Variants in COBL observed in about 807,000 individuals in gnomAD.
The protein encoded by COBL is cordon-bleu WH2 repeat protein.
COBL carries 51 observed loss-of-function variants against 98.8 expected under a neutral mutation model. That is an observed-to-expected ratio of 0.52 (90% CI 0.41 to 0.65). The LOEUF (loss-of-function observed/expected upper bound fraction) is 0.65. Ranked by LOEUF, COBL falls within the 30% of genes least tolerant of loss-of-function variation. The pLI is 0.00. For missense variants in COBL, 1,617 were observed against 1,617.5 expected, an observed-to-expected ratio of 1.00 and a Z score of 0.01; for synonymous variants, 634 against 651.7, an observed-to-expected ratio of 0.97 and a Z score of 0.41.
chr7:51,158,662 G>A (rs1208195985), intron 5 of COBL, among the ~76,000 whole-genome samples: 1 of 152,066 alleles, frequency 6.6e-6, no homozygotes, highest in Admixed American at 6.5e-5. Flanking sequence ...GGGAGGCTGG[G>A]AAAGTGTCCG....
chr7:51,048,274 A>G (rs781385456), intron 7 of COBL, among the ~76,000 whole-genome samples: 5 of 152,298 alleles, frequency 3.3e-5, no homozygotes, highest in Middle Eastern at 3.4e-3. Flanking sequence ...GAAAATTTCC[A>G]TCATGAGTTC....
At chr7:51,303,694 CA>C (rs545767720) in intron 1 of COBL, among the ~76,000 whole-genome samples, 6 of 152,178 alleles carry the variant, frequency 3.9e-5, no homozygotes, top group Non-Finnish European at 8.8e-5. Flanking sequence ...AGACATGTAT[CA>C]AAATTCAGCT....
chr7:51,265,843 C>A (rs1468646294), intron 1 of COBL, among the ~76,000 whole-genome samples: 1 of 152,190 alleles, frequency 6.6e-6, no homozygotes. Context: ...AATGTACATC[C>A]ACTCACATTC....
chr7:51,231,472 C>T (rs1238831831), intron 1 of COBL, among the ~76,000 whole-genome samples: 1 of 152,222 alleles, frequency 6.6e-6, no homozygotes, highest in African/African-American at 2.4e-5. Flanking sequence ...TCAAGGGCCA[C>T]AGACATGGAG....
intron 1 of COBL, among the ~76,000 whole-genome samples, chr7:51,232,265 G>A (rs1258691853): frequency 1.3e-5 from 2 of 152,036 alleles, no homozygotes; most frequent in East Asian, 3.9e-4. Context: ...CCCCAAAAAA[G>A]GAAGAAGAAA....
intron 3 of COBL, among the ~76,000 whole-genome samples, chr7:51,192,059 G>A (rs1435008847): frequency 6.6e-6 from 1 of 152,168 alleles, no homozygotes; most frequent in Non-Finnish European, 1.5e-5. Flanking sequence ...AGGAAGTCAA[G>A]GGAAGACGCA....
intron 1 of COBL, among the ~76,000 whole-genome samples, chr7:51,269,423 G>T (rs1031923070): frequency 6.6e-6 from 1 of 152,204 alleles, no homozygotes; most frequent in East Asian, 1.9e-4. Flanking sequence ...CGTGCTGCTG[G>T]TAAGTGGCAC....
intron 1 of COBL, among the ~76,000 whole-genome samples, chr7:51,281,006 T>C (rs762453708): frequency 2.0e-4 from 30 of 152,246 alleles, no homozygotes; most frequent in East Asian, 1.2e-3. Flanking sequence ...TAGGAAATAA[T>C]AGAGGTTTAC....
intron 7 of COBL, among the ~76,000 whole-genome samples, chr7:51,049,851 C>A (rs1182762597): frequency 6.6e-6 from 1 of 152,162 alleles, no homozygotes; most frequent in Non-Finnish European, 1.5e-5. Context: ...TAGGATTCGC[C>A]TTTGAGAGAC....
chr7:51,217,896 G>A (rs945356876), intron 2 of COBL, among the ~76,000 whole-genome samples: 1 of 152,202 alleles, frequency 6.6e-6, no homozygotes, highest in African/African-American at 2.4e-5. Flanking sequence ...ACCCTGGGGG[G>A]AAAGCCTATC....
At chr7:51,194,680 T>C (rs908438609) in intron 2 of COBL, among the ~76,000 whole-genome samples, 1 of 152,228 alleles carries the variant, frequency 6.6e-6, no homozygotes, top group African/African-American at 2.4e-5. Context: ...TGGTATCTCA[T>C]TGCGGTTTTG....
intron 5 of COBL, chr7:51,156,127 T>C (rs973253591): frequency 2.0e-6 from 2 of 977,852 alleles, no homozygotes; most frequent in East Asian, 2.3e-4. Flanking sequence ...AAAACAAATA[T>C]CAAAGACAGT....
At chr7:51,182,993 G>A (rs1259993391) in intron 5 of COBL, among the ~76,000 whole-genome samples, 4 of 151,092 alleles carry the variant, frequency 2.6e-5, no homozygotes, top group Non-Finnish European at 4.4e-5. Context: ...CTACAGGGAC[G>A]TGCTGGCTCT....
At chr7:51,200,676 A>G (rs2129064722) in intron 2 of COBL, among the ~76,000 whole-genome samples, 1 of 152,336 alleles carries the variant, frequency 6.6e-6, no homozygotes, top group African/African-American at 2.4e-5. Flanking sequence ...GTACACTGCT[A>G]CGATAATCAA....
At chr7:51,243,573 A>C (rs11238435) in intron 1 of COBL, among the ~76,000 whole-genome samples, 34,187 of 152,032 alleles carry the variant, frequency 0.22, 4,532 homozygotes, top group East Asian at 0.6. Context: ...GCTAGCCCTC[A>C]GCAGGAAAAA....
At chr7:51,058,799 G>A (rs539046854) in intron 7 of COBL, among the ~76,000 whole-genome samples, 4 of 152,352 alleles carry the variant, frequency 2.6e-5, no homozygotes, top group South Asian at 2.1e-4. Flanking sequence ...CTGTTAGAGC[G>A]AGTCTGATTG....
chr7:51,180,371 T>C (rs913740114), intron 5 of COBL, among the ~76,000 whole-genome samples: 3 of 152,150 alleles, frequency 2.0e-5, no homozygotes, highest in Non-Finnish European at 4.4e-5. Flanking sequence ...TATTTTGAGA[T>C]CTCGAGAAGA....
chr7:51,302,805 C>T (rs1802103381), intron 1 of COBL, among the ~76,000 whole-genome samples: 1 of 152,120 alleles, frequency 6.6e-6, no homozygotes, highest in African/African-American at 2.4e-5. Context: ...TAACTGAGAT[C>T]AGTTTTACTC....
At chr7:51,242,093 G>A (rs187087620) in intron 1 of COBL, among the ~76,000 whole-genome samples, 8 of 152,340 alleles carry the variant, frequency 5.3e-5, no homozygotes, top group African/African-American at 1.9e-4. Flanking sequence ...TTGCGTAAGA[G>A]TATAACTTTG....
Sources: allele counts gnomAD v4.1 joint callset (sites outside exome capture counted in the v4.1 genomes callset), GRCh38; gene constraint gnomAD v4.1.1; transcripts MANE v1.5; gene names NCBI Gene and HGNC (gene_info 2026-07-23, HGNC 2026-07-21).